Variants in SCHIP1 observed in about 807,000 individuals in gnomAD.
SCHIP1 encodes schwannomin interacting protein 1, also known as schwannomin-interacting protein 1.
A neutral mutation model predicts 29.7 loss-of-function variants in SCHIP1; 8 were observed. That is an observed-to-expected ratio of 0.27 (90% CI 0.16 to 0.49). The LOEUF (loss-of-function observed/expected upper bound fraction) is 0.49. Ranked by LOEUF, SCHIP1 falls within the 20% of genes least tolerant of loss-of-function variation. The pLI, the probability that SCHIP1 is intolerant of heterozygous loss-of-function variation, is 0.99. For synonymous variants in SCHIP1, 76 were observed against 94.9 expected, an observed-to-expected ratio of 0.80 and a Z score of 1.16; for missense variants, 193 against 294.6, an observed-to-expected ratio of 0.66 and a Z score of 2.52.
At chr3:159,762,069 C>T in the SCHIP1 span, among the ~76,000 whole-genome samples, 1 of 152,208 alleles carries the variant, frequency 6.6e-6, no homozygotes, top group African/African-American at 2.4e-5. Flanking sequence ...ATTCCCAGCA[C>T]ACCAAATGTT....
the SCHIP1 span, among the ~76,000 whole-genome samples, chr3:159,595,995 T>A: frequency 6.6e-6 from 1 of 152,126 alleles, no homozygotes. Context: ...CAAAAGAAAC[T>A]ACCATCAGAA....
chr3:159,711,852 T>G, the SCHIP1 span, among the ~76,000 whole-genome samples: 1 of 152,170 alleles, frequency 6.6e-6, no homozygotes, highest in Admixed American at 6.5e-5. Flanking sequence ...TGAAGGAAGC[T>G]GCCAACTCTG....
At chr3:159,303,180 G>GGAA in the SCHIP1 span, among the ~76,000 whole-genome samples, 1 of 152,020 alleles carries the variant, frequency 6.6e-6, no homozygotes, top group African/African-American at 2.4e-5. Context: ...GGAGCACTGG[G>GGAA]GAAGACATCA....
the SCHIP1 span, among the ~76,000 whole-genome samples, chr3:159,597,416 C>T: frequency 1.2e-4 from 19 of 152,194 alleles, no homozygotes; most frequent in South Asian, 3.5e-3. Flanking sequence ...CCCTTTAACT[C>T]ATTTCTATTC....
intron 1 of SCHIP1, among the ~76,000 whole-genome samples, chr3:159,856,729 A>T (rs1280783853): frequency 6.6e-6 from 1 of 152,192 alleles, no homozygotes; most frequent in Non-Finnish European, 1.5e-5. Flanking sequence ...GCATCCAATT[A>T]TGGTGAAAGA....
chr3:159,775,678 A>C, the SCHIP1 span, among the ~76,000 whole-genome samples: 1 of 152,182 alleles, frequency 6.6e-6, no homozygotes, highest in Non-Finnish European at 1.5e-5. Context: ...GGCACTCCCT[A>C]GCCACCCAGC....
At chr3:159,435,043 A>G in the SCHIP1 span, among the ~76,000 whole-genome samples, 3 of 152,164 alleles carry the variant, frequency 2.0e-5, no homozygotes, top group Non-Finnish European at 2.9e-5. Context: ...ATTTCTGTGC[A>G]TAATAACTAT....
the SCHIP1 span, among the ~76,000 whole-genome samples, chr3:159,324,800 C>A: frequency 6.6e-6 from 1 of 151,972 alleles, no homozygotes; most frequent in Non-Finnish European, 1.5e-5. Context: ...AATTCTAATC[C>A]ATTTTTGCTT....
At chr3:159,610,874 A>T in the SCHIP1 span, among the ~76,000 whole-genome samples, 2 of 152,250 alleles carry the variant, frequency 1.3e-5, no homozygotes, top group South Asian at 2.1e-4. Context: ...AAATCAAATT[A>T]ACCTTCCATG....
At chr3:159,707,878 C>G in the SCHIP1 span, among the ~76,000 whole-genome samples, 1 of 152,166 alleles carries the variant, frequency 6.6e-6, no homozygotes, top group African/African-American at 2.4e-5. Context: ...TTACAGCAGG[C>G]AACTCACCTG....
At chr3:159,323,761 C>T in the SCHIP1 span, among the ~76,000 whole-genome samples, 1 of 152,110 alleles carries the variant, frequency 6.6e-6, no homozygotes, top group South Asian at 2.1e-4. Flanking sequence ...CAAAGGCTGG[C>T]AGAGGAAAAG....
the SCHIP1 span, among the ~76,000 whole-genome samples, chr3:159,667,595 C>A: frequency 1.3e-5 from 2 of 152,074 alleles, no homozygotes; most frequent in East Asian, 3.9e-4. Flanking sequence ...GAGCCATAGT[C>A]CTAGTCCTAA....
In SCHIP1 at chr3:159,892,093, A is replaced by G. The variant is rs778525459; in HGVS notation, c.590-4A>G. ...GTTTTTAAATGTTCTGTTATTTGCC[A>G]CAGGCTTGAATGAAGAGTTGGTCCA... On this transcript the variant is annotated splice_region_variant and splice_polypyrimidine_tract_variant and intron_variant, in intron 5 of 6. Transcript: ENST00000445224. 1 of 1,609,396 alleles carries G rather than the reference A, an allele frequency of 6.2e-7. No homozygotes were observed. The highest frequency in any genetic ancestry group is 2.2e-5 in the East Asian group (1 of 44,854).
At chr3:159,696,594 C>T in the SCHIP1 span, among the ~76,000 whole-genome samples, 1 of 152,164 alleles carries the variant, frequency 6.6e-6, no homozygotes, top group African/African-American at 2.4e-5. Context: ...TCCCATGTGT[C>T]CTACAATAGT....
the SCHIP1 span, among the ~76,000 whole-genome samples, chr3:159,444,069 A>T: frequency 4.6e-5 from 7 of 152,148 alleles, no homozygotes; most frequent in South Asian, 1.5e-3. Context: ...GAGAGCAACT[A>T]GTGTATTTAG....
the SCHIP1 span, among the ~76,000 whole-genome samples, chr3:159,550,460 TC>T: frequency 6.6e-6 from 1 of 152,114 alleles, no homozygotes; most frequent in Non-Finnish European, 1.5e-5. Context: ...TATAAAATAC[TC>T]CTCTTTATCT....
At chr3:159,776,549 A>G in the SCHIP1 span, among the ~76,000 whole-genome samples, 2 of 152,188 alleles carry the variant, frequency 1.3e-5, no homozygotes, top group Non-Finnish European at 2.9e-5. Flanking sequence ...GTTGTTATCC[A>G]TCTTACAGTG....
the SCHIP1 span, among the ~76,000 whole-genome samples, chr3:159,607,148 T>C: frequency 6.6e-6 from 1 of 152,202 alleles, no homozygotes; most frequent in Non-Finnish European, 1.5e-5. Context: ...CATTTTCCTA[T>C]TGAAGAGTTC....
chr3:159,778,665 C>A, the SCHIP1 span, among the ~76,000 whole-genome samples: 3 of 152,182 alleles, frequency 2.0e-5, no homozygotes, highest in Non-Finnish European at 4.4e-5. Context: ...AAAGCCATCC[C>A]AAACAGGCAT....
Sources: gnomAD v4.1 joint callset for allele counts (sites outside exome capture counted in the v4.1 genomes callset) on GRCh38, gnomAD v4.1.1 for gene constraint, MANE v1.5 for transcripts, NCBI Gene and HGNC (gene_info 2026-07-23, HGNC 2026-07-21) for gene names.